CALN1: variants seen among roughly 807,000 people sequenced by gnomAD.
The protein encoded by CALN1 is calcium-binding protein 8.
A neutral mutation model predicts 30.6 loss-of-function variants in CALN1; 17 were observed. That is an observed-to-expected ratio of 0.56 (90% CI 0.38 to 0.83). The LOEUF is 0.83. Ranked by LOEUF, CALN1 falls within the 40% of genes least tolerant of loss-of-function variation. The pLI, the probability that CALN1 is intolerant of heterozygous loss-of-function variation, is 0.00. For synonymous variants in CALN1, 156 were observed against 131.4 expected, an observed-to-expected ratio of 1.19 and a Z score of -1.28; for missense variants, 291 against 354.9, an observed-to-expected ratio of 0.82 and a Z score of 1.45.
At chr7:71,896,297 A>T (rs148932666) in intron 5 of CALN1, among the ~76,000 whole-genome samples, 1 of 152,290 alleles carries the variant, frequency 6.6e-6, no homozygotes, top group African/African-American at 2.4e-5. Flanking sequence ...AAACTCGACA[A>T]TTGAGGGCTG....
chr7:71,821,819 G>A (rs1290651719), intron 5 of CALN1, among the ~76,000 whole-genome samples: 1 of 143,776 alleles, frequency 7.0e-6, no homozygotes, highest in Admixed American at 7.3e-5. Context: ...TCAGGGTCTC[G>A]CTGTGTCACC....
chr7:71,923,845 C>T (rs1198252807), intron 5 of CALN1, among the ~76,000 whole-genome samples: 2 of 152,108 alleles, frequency 1.3e-5, no homozygotes, highest in Non-Finnish European at 2.9e-5. Context: ...TAAAATGTCA[C>T]CCATGTTAGC....
At position 72,272,565 on chromosome 7, in the gene CALN1, G is replaced by GA. The variant is rs1424853357; in HGVS notation, c.244+6120dup. On this transcript the variant is annotated intron_variant, in intron 3 of 6. Transcript: ENST00000395275. ...CGACAGAGCCAGACTCTGTCTCCAC[G>GA]AAAAAAAAGAAAGAAAGAAAAAGAA... Among the ~76,000 whole-genome samples, 6 of 151,472 alleles carry GA rather than the reference G, an allele frequency of 4.0e-5. No individual in the cohort carries two copies. The East Asian group carries it at 1.2e-3, about 29-fold the overall frequency.
At chr7:71,797,445 G>T (rs1786997209) in intron 6 of CALN1, among the ~76,000 whole-genome samples, 1 of 152,140 alleles carries the variant, frequency 6.6e-6, no homozygotes, top group Non-Finnish European at 1.5e-5. Context: ...TTTTCAAAGA[G>T]AATTTTGTAT....
intron 2 of CALN1, among the ~76,000 whole-genome samples, chr7:72,362,044 G>A (rs1803604669): frequency 1.3e-5 from 2 of 152,036 alleles, no homozygotes; most frequent in Admixed American, 1.3e-4. Context: ...CATTATCTTG[G>A]TAAATAGCAT....
chr7:71,952,945 G>C (rs1435649711), intron 5 of CALN1, among the ~76,000 whole-genome samples: 1 of 151,984 alleles, frequency 6.6e-6, no homozygotes, highest in African/African-American at 2.4e-5. Context: ...CATGGCTTTC[G>C]TGACTCAGTC....
chr7:72,339,680 A>C (rs761740949), intron 2 of CALN1, among the ~76,000 whole-genome samples: 8 of 152,238 alleles, frequency 5.3e-5, no homozygotes, highest in Admixed American at 1.3e-4. Flanking sequence ...ACAGTTCCAC[A>C]TGGCTGGGGA....
At chr7:72,194,592 CTT>C (rs1181135798) in intron 3 of CALN1, among the ~76,000 whole-genome samples, 25 of 115,668 alleles carry the variant, frequency 2.2e-4, no homozygotes, top group African/African-American at 6.2e-4. Context: ...TAACTGGCCT[CTT>C]TTTTTTTTTT....
At chr7:71,867,215 A>T (rs1299456602) in intron 5 of CALN1, among the ~76,000 whole-genome samples, 1 of 152,196 alleles carries the variant, frequency 6.6e-6, no homozygotes, top group Admixed American at 6.5e-5. Context: ...AATGGAAATA[A>T]ACATAAAAAT....
At chr7:72,208,612 C>G (rs1792067810) in intron 3 of CALN1, among the ~76,000 whole-genome samples, 1 of 152,116 alleles carries the variant, frequency 6.6e-6, no homozygotes, top group African/African-American at 2.4e-5. Flanking sequence ...GGCAGAATGC[C>G]TGGAGACTTT....
chr7:72,012,429 C>A (rs1282963416), intron 5 of CALN1, among the ~76,000 whole-genome samples: 1 of 152,168 alleles, frequency 6.6e-6, no homozygotes, highest in East Asian at 1.9e-4. Context: ...AAGAGAATCA[C>A]TTGACCCAGG....
At chr7:71,798,117 CAGAGACAGAGAGAGAGAGAGAGAG>C (rs1787058883) in intron 6 of CALN1, among the ~76,000 whole-genome samples, 33 of 62,304 alleles carry the variant, frequency 5.3e-4, no homozygotes, top group East Asian at 2.2e-3. Flanking sequence ...GAGACAGAGA[CAGAGACAGAGAGAGAGAGAGAGAG>C]AGAGAGAGAG....
chr7:72,495,212 T>C, the CALN1 span, among the ~76,000 whole-genome samples: 1 of 152,192 alleles, frequency 6.6e-6, no homozygotes, highest in Non-Finnish European at 1.5e-5. Flanking sequence ...TTCCTAACTG[T>C]TGTTTGAGTC....
At chr7:72,355,805 G>C (rs1585568074) in intron 2 of CALN1, among the ~76,000 whole-genome samples, 1 of 152,156 alleles carries the variant, frequency 6.6e-6, no homozygotes, top group South Asian at 2.1e-4. Flanking sequence ...CAGAGTACAA[G>C]GGCACAGTTT....
At chr7:72,224,384 A>C (rs1010134448) in intron 3 of CALN1, among the ~76,000 whole-genome samples, 6 of 152,156 alleles carry the variant, frequency 3.9e-5, no homozygotes, top group African/African-American at 1.4e-4. Context: ...TTTTGGATGG[A>C]TATCACAGGG....
rs200159341 is a variant in CALN1, at chr7:72,401,464, CAG to C, written c.119+1785_119+1786del. On this transcript the variant is annotated intron_variant, in intron 2 of 6. Coordinates refer to ENST00000395275, the MANE Select transcript of CALN1 (RefSeq NM_031468.4). ...ATACATCCCCAAGGAATAACAAAAACAGAAACATGTTCAGTGCGTGTGTGCGC... is the reference window on the plus strand; with the variant it reads ...ATACATCCCCAAGGAATAACAAAAACAAACATGTTCAGTGCGTGTGTGCGC... 6.5e-3 allele frequency among the ~76,000 whole-genome samples: 992 copies of C among 152,308 alleles called. 5 individuals carry two copies. The highest frequency in any genetic ancestry group is 0.022 in the African/African-American group (920 of 41,554).
intron 3 of CALN1, among the ~76,000 whole-genome samples, chr7:72,119,987 A>G (rs557771080): frequency 1.3e-5 from 2 of 152,280 alleles, no homozygotes; most frequent in East Asian, 3.9e-4. Context: ...TTCAGGGGGT[A>G]CATGTGCACG....
At chr7:71,809,988 G>A (rs1243515852) in intron 6 of CALN1, among the ~76,000 whole-genome samples, 2 of 151,972 alleles carry the variant, frequency 1.3e-5, no homozygotes, top group Non-Finnish European at 2.9e-5. Context: ...CAAGTTTGCC[G>A]GACAGCCAAA....
chr7:72,278,699 C>T lies in CALN1; in HGVS notation c.231G>A (p.Val77=), dbSNP rs565847285. Residue 77 remains valine (V), a synonymous_variant, in exon 3 of 7, where the codon GTG becomes GTA. Transcript: ENST00000395275. ...SDSEQLANIS[V]EELDEIREAF... ...TAGGCTCCTTACCATCGAGCTCCTC[C>T]ACGGAGATATTAGCCAGCTGTTCGC... 3 of 1,613,722 alleles carry T rather than the reference C, an allele frequency of 1.9e-6. No homozygotes were observed. Among genetic ancestry groups the T allele is most frequent in the Middle Eastern group, 1.6e-4 (1 of 6,062 alleles).
Sources: gnomAD v4.1 joint callset for allele counts (sites outside exome capture counted in the v4.1 genomes callset) on GRCh38, gnomAD v4.1.1 for gene constraint, MANE v1.5 for transcripts, NCBI Gene and HGNC (gene_info 2026-07-23, HGNC 2026-07-21) for gene names.